Variants in KHDRBS2 observed in about 807,000 individuals in gnomAD.
KHDRBS2 encodes the protein KH RNA binding domain containing, signal transduction associated 2, also known as KH domain-containing, RNA-binding, signal transduction-associated protein 2.
A neutral mutation model predicts 44.3 loss-of-function variants in KHDRBS2; 26 were observed. The ratio of observed to expected loss-of-function variants is 0.59; its 90% CI spans 0.43 to 0.81. The LOEUF (loss-of-function observed/expected upper bound fraction) is 0.81. Among genes scored for constraint, KHDRBS2 ranks in the 40% least tolerant of loss-of-function variants. The pLI is 0.00. For synonymous variants in KHDRBS2, 194 were observed against 151.1 expected (o/e 1.28, Z -2.08); for missense variants, 476 against 433.1 (o/e 1.10, Z -0.88).
intron 2 of KHDRBS2, among the ~76,000 whole-genome samples, chr6:62,155,959 C>T (rs1256865388): frequency 6.6e-6 from 1 of 152,116 alleles, no homozygotes; most frequent in Non-Finnish European, 1.5e-5. Flanking sequence ...TGGGCTCATT[C>T]TTTTTGCTCA....
At chr6:61,590,966 A>G in the KHDRBS2 span, among the ~76,000 whole-genome samples, 1 of 152,244 alleles carries the variant, frequency 6.6e-6, no homozygotes, top group Non-Finnish European at 1.5e-5. Flanking sequence ...TGAGTACTTT[A>G]TAATTTACAA....
chr6:61,746,049 TTTAG>T (rs1562081647), intron 6 of KHDRBS2, among the ~76,000 whole-genome samples: 5 of 129,838 alleles, frequency 3.9e-5, no homozygotes, highest in African/African-American at 1.5e-4. Context: ...TTTATTTTAG[TTTAG>T]TTTAGTTTAG....
intron 1 of KHDRBS2, among the ~76,000 whole-genome samples, chr6:62,198,595 T>A (rs1031217456): frequency 6.6e-6 from 1 of 152,100 alleles, no homozygotes; most frequent in African/African-American, 2.4e-5. Context: ...CAATAATTAA[T>A]ACCTTACCAA....
the KHDRBS2 span, among the ~76,000 whole-genome samples, chr6:61,549,282 T>C: frequency 6.6e-6 from 1 of 152,174 alleles, no homozygotes; most frequent in Admixed American, 6.6e-5. Flanking sequence ...CAATGTGTTT[T>C]AGTTGTCTGT....
intron 6 of KHDRBS2, among the ~76,000 whole-genome samples, chr6:61,811,868 C>G (rs1788180353): frequency 6.6e-6 from 1 of 152,066 alleles, no homozygotes; most frequent in African/African-American, 2.4e-5. Flanking sequence ...GATGTTTCTT[C>G]ATGTACAATT....
chr6:62,218,250 G>A (rs1157397389), intron 1 of KHDRBS2, among the ~76,000 whole-genome samples: 1 of 151,806 alleles, frequency 6.6e-6, no homozygotes, highest in Non-Finnish European at 1.5e-5. Context: ...ACAATCCCAA[G>A]CCTTAAAACA....
intron 6 of KHDRBS2, among the ~76,000 whole-genome samples, chr6:61,884,706 T>A (rs1290429546): frequency 6.6e-6 from 1 of 152,084 alleles, no homozygotes; most frequent in Admixed American, 6.6e-5. Context: ...CTATGTAACC[T>A]TTGTTAAAAG....
At chr6:62,161,797 G>A (rs1416701373) in intron 2 of KHDRBS2, among the ~76,000 whole-genome samples, 3 of 151,436 alleles carry the variant, frequency 2.0e-5, no homozygotes, top group South Asian at 4.2e-4. Context: ...ATATTCTATA[G>A]CTATTTTCTT....
At chr6:61,614,089 C>T in the KHDRBS2 span, among the ~76,000 whole-genome samples, 1 of 152,176 alleles carries the variant, frequency 6.6e-6, no homozygotes, top group Admixed American at 6.5e-5. Context: ...GCACCAGTAG[C>T]TTCATTTTGA....
At chr6:61,732,945 C>A (rs1774725570) in intron 6 of KHDRBS2, among the ~76,000 whole-genome samples, 181 bp from the exon 7 acceptor site, 1 of 152,146 alleles carries the variant, frequency 6.6e-6, no homozygotes, top group Non-Finnish European at 1.5e-5. Flanking sequence ...TTTCATGGAT[C>A]AGGTATCAAT....
At chr6:61,666,783 T>G in the KHDRBS2 span, among the ~76,000 whole-genome samples, 3,720 of 151,512 alleles carry the variant, frequency 0.025, 71 homozygotes, top group Middle Eastern at 0.082. Context: ...TCAACAATGG[T>G]TTTGTGACAA....
chr6:62,106,351 G>A (rs577653603), intron 2 of KHDRBS2, among the ~76,000 whole-genome samples: 10 of 152,194 alleles, frequency 6.6e-5, no homozygotes, highest in South Asian at 2.1e-4. Flanking sequence ...TTTCTGTCTC[G>A]CTGATCGGTC....
At chr6:61,623,832 G>A in the KHDRBS2 span, among the ~76,000 whole-genome samples, 1 of 152,294 alleles carries the variant, frequency 6.6e-6, no homozygotes, top group African/African-American at 2.4e-5. Flanking sequence ...ATATGTGGGA[G>A]TGAACTGAAA....
intron 2 of KHDRBS2, among the ~76,000 whole-genome samples, chr6:62,173,988 CA>C (rs1269630144): frequency 6.6e-6 from 1 of 151,372 alleles, no homozygotes; most frequent in African/African-American, 2.4e-5. Flanking sequence ...CACTCACCTT[CA>C]AAACCAGAAC....
chr6:62,141,236 G>T (rs1416369911), intron 2 of KHDRBS2, among the ~76,000 whole-genome samples: 1 of 152,134 alleles, frequency 6.6e-6, no homozygotes, highest in Non-Finnish European at 1.5e-5. Context: ...AAAGAGAGAA[G>T]ATATTAGACA....
chr6:62,041,985 A>C (rs1421920794), intron 3 of KHDRBS2, among the ~76,000 whole-genome samples: 9 of 152,114 alleles, frequency 5.9e-5, no homozygotes, highest in Non-Finnish European at 1.3e-4. Flanking sequence ...CACAAATATG[A>C]TGATATACTT....
At chr6:62,149,056 G>GA (rs969202376) in intron 2 of KHDRBS2, among the ~76,000 whole-genome samples, 1 of 151,624 alleles carries the variant, frequency 6.6e-6, no homozygotes, top group Non-Finnish European at 1.5e-5. Context: ...GATTTCCTTT[G>GA]AAAAAAGAAA....
At chr6:62,099,219 T>C (rs1801316687) in intron 2 of KHDRBS2, among the ~76,000 whole-genome samples, 1 of 152,212 alleles carries the variant, frequency 6.6e-6, no homozygotes, top group Non-Finnish European at 1.5e-5. Flanking sequence ...TAATGATGTC[T>C]GCACATTCAA....
At chr6:61,909,897 G>A (rs1421837812) in intron 4 of KHDRBS2, among the ~76,000 whole-genome samples, 1 of 152,172 alleles carries the variant, frequency 6.6e-6, no homozygotes, top group Admixed American at 6.5e-5. Context: ...TACAATGGAC[G>A]CTGGTGCTGC....
Sources: gnomAD v4.1 joint callset for allele counts (sites outside exome capture counted in the v4.1 genomes callset) on GRCh38, gnomAD v4.1.1 for gene constraint, MANE v1.5 for transcripts, NCBI Gene and HGNC (gene_info 2026-07-23, HGNC 2026-07-21) for gene names.